Variants in RBP3 observed in about 807,000 individuals in gnomAD.
RBP3 encodes the protein retinol binding protein 3.
A neutral mutation model predicts 64.8 loss-of-function variants in RBP3; 50 were observed. That is an observed-to-expected ratio of 0.77 (90% CI 0.61 to 0.98). The LOEUF (loss-of-function observed/expected upper bound fraction) is 0.98, where lower values mean the gene tolerates loss of function less well. Among genes scored for constraint, RBP3 ranks in the 50% least tolerant of loss-of-function variants. The pLI, the probability that RBP3 is intolerant of heterozygous loss-of-function variation, is 0.00. For synonymous variants in RBP3, 828 were observed against 730.2 expected (o/e 1.13, Z -2.16); for missense variants, 1,712 against 1,660.5 (o/e 1.03, Z -0.54).
Position 47,350,753 on chromosome 10 carries a change from G to A in RBP3, c.2269G>A (p.Val757Met). The change falls in exon 1 of 4, where the codon GTG (valine) becomes ATG (methionine). Residue 757 changes from valine to methionine, a missense_variant. Val to Met is a conservative substitution (Grantham distance 21, BLOSUM62 1). Coordinates refer to ENST00000584701, the MANE Select transcript of RBP3 (RefSeq NM_002900.3). ...TGACGCCATGGCTGAACTGGAGACA[G>A]TGAAGGCCGTGGGGCCACAGCTGGT... ...RFDAMAELET[V>M]KAVGPQLVRL... 1 of 1,613,240 alleles carries A rather than the reference G, an allele frequency of 6.2e-7. No individual in the cohort carries two copies. Among genetic ancestry groups the A allele is most frequent in the Non-Finnish European group, 8.5e-7 (1 of 1,180,038 alleles).
chr10:47,355,653 G>A (rs554687598), intron 3 of RBP3, 135 bp downstream of exon 3: 4 of 1,111,096 alleles, frequency 3.6e-6, no homozygotes, highest in African/African-American at 3.1e-5. Context: ...CACTAGATGT[G>A]CATGATCTCG....
In RBP3 at chr10:47,353,452, G is replaced by A; in HGVS notation, c.3182G>A (p.Arg1061Lys). ...GDGELLTQVS[R>K]LLVEHIWKKI... ...GGTGAGCTGCTCACCCAGGTCTCCA[G>A]GCTGCTGGTGGAGCACATCTGGAAG... Residue 1061 changes from arginine (R) to lysine (K), a missense_variant, in exon 2 of 4, where the codon AGG becomes AAG. Arg to Lys is a conservative substitution (Grantham distance 26). Coordinates refer to ENST00000584701, the MANE Select transcript of RBP3 (RefSeq NM_002900.3). 6.2e-7 allele frequency: 1 copy of A among 1,614,176 alleles called. No homozygotes were observed.
chr10:47,349,070 G>T lies in RBP3; in HGVS notation c.586G>T (p.Val196Leu), dbSNP rs782398712. The T allele has an allele frequency of 7.1e-5, 114 of 1,613,882 alleles. 2 individuals are homozygous for T. The South Asian group carries it at 1.2e-3, about 17-fold the overall frequency. Residue 196 changes from valine (V) to leucine (L), a missense_variant, in exon 1 of 4, where the codon GTG (valine) becomes TTG (leucine). By Grantham distance (32) the Val-to-Leu change is conservative. Transcript: ENST00000584701. ...YLHPGNTILH[V>L]DTIYNRPSNT... ...GCACCCAGGGAACACCATCCTGCAC[G>T]TGGACACTATCTACAACCGCCCCTC...
intron 2 of RBP3, among the ~76,000 whole-genome samples, chr10:47,354,581 C>T (rs1837021858): frequency 1.3e-5 from 2 of 152,164 alleles, no homozygotes; most frequent in African/African-American, 4.8e-5. Flanking sequence ...TGTTGAGCAC[C>T]CAAATGACAC....
At chr10:47,352,073 T>C (rs1035898379) in intron 1 of RBP3, among the ~76,000 whole-genome samples, 2 of 152,204 alleles carry the variant, frequency 1.3e-5, no homozygotes, top group Admixed American at 1.3e-4. Flanking sequence ...ATCGTCACAA[T>C]TGGGCAGGGC....
In RBP3 at chr10:47,353,798, G is replaced by C. The variant is rs540320390; in HGVS notation, c.3245+283G>C. Among the ~76,000 whole-genome samples the C allele has an allele frequency of 3.1e-4, 47 of 152,354 alleles. 1 individual carries two copies. The South Asian group carries it at 9.1e-3, about 30-fold the overall frequency. ...CAGATTTGCCTGGTCATAGGATTCAGTGGGGAGGAGAGGAAGGAGATGTTA... is the reference window on the plus strand; with the variant it reads ...CAGATTTGCCTGGTCATAGGATTCACTGGGGAGGAGAGGAAGGAGATGTTA... On this transcript the variant is annotated intron_variant, in intron 2 of 3. Transcript: ENST00000584701.
In RBP3 at chr10:47,350,929, G is replaced by A; in HGVS notation, c.2445G>A (p.Arg815=). The A allele has an allele frequency of 6.2e-7, 1 of 1,612,990 alleles. No individual in the cohort carries two copies. The highest frequency in any genetic ancestry group is 8.5e-7 in the Non-Finnish European group (1 of 1,180,014). ...PRQHLYSVFD[R]ATSKVTEVWT... Reference sequence around the variant, plus strand: ...AGCACCTGTATTCTGTCTTTGACAGGGCCACCTCAAAAGTCACGGAGGTGT... The same window carrying A: ...AGCACCTGTATTCTGTCTTTGACAGAGCCACCTCAAAAGTCACGGAGGTGT... Residue 815 remains arginine (R), a synonymous_variant, in exon 1 of 4, where the codon AGG becomes AGA. Transcript: ENST00000584701.
Position 47,349,916 on chromosome 10 carries a change from C to T in RBP3, c.1432C>T (p.Leu478=). The T allele has an allele frequency of 6.2e-7, 1 of 1,612,860 alleles. No individual in the cohort carries two copies. The highest frequency in any genetic ancestry group is 2.2e-5 in the East Asian group (1 of 44,868). ...GGACACGGAGCACCTCATCATGGACCTGCGCCACAACCCTGGAGGGCCATC... is the reference window on the plus strand; with the variant it reads ...GGACACGGAGCACCTCATCATGGACTTGCGCCACAACCCTGGAGGGCCATC... ...LQDTEHLIMD[L]RHNPGGPSSA... is the part of the protein sequence containing the mutation. Residue 478 remains leucine, a synonymous_variant, in exon 1 of 4, where the codon CTG becomes TTG. Transcript: ENST00000584701.
chr10:47,356,845 C>A (rs1366515932), intron 3 of RBP3, among the ~76,000 whole-genome samples: 3 of 152,180 alleles, frequency 2.0e-5, no homozygotes, highest in Non-Finnish European at 4.4e-5. Context: ...CAAGCCTTTC[C>A]TATCACTTGG....
rs1555212069 is a variant in RBP3 at position 47,357,313 on chromosome 10, C to T, written c.3600C>T (p.Ala1200=). Residue 1200 remains alanine, a synonymous_variant, in exon 4 of 4, where the codon GCC becomes GCT. Coordinates refer to ENST00000584701, the MANE Select transcript of RBP3 (RefSeq NM_002900.3). ...TCCCCACGGCCCGTTCTGTGGGGGC[C>T]TCGGATGGCAGCTCCTGGGAAGGGG... ...LTIPTARSVG[A]SDGSSWEGVG... 7 of 1,614,070 alleles carry T rather than the reference C, an allele frequency of 4.3e-6. No homozygotes were observed. The African/African-American group carries it at 9.3e-5, about 22-fold the overall frequency.
rs782470605 is a variant in RBP3 at position 47,349,369 on chromosome 10, G to C, written c.885G>C (p.Thr295=). ...SLGPLGGGSQ[T]WEGSGVLPCV... Reference sequence around the variant, plus strand: ...GGCCCCTTGGTGGAGGCAGCCAGACGTGGGAGGGCAGCGGGGTGCTGCCCT... The same window carrying C: ...GGCCCCTTGGTGGAGGCAGCCAGACCTGGGAGGGCAGCGGGGTGCTGCCCT... The change falls in exon 1 of 4, where the codon ACG becomes ACC. Residue 295 remains threonine (T), a synonymous_variant. Transcript: ENST00000584701. The C allele has an allele frequency of 1.2e-6, 2 of 1,612,270 alleles. No individual in the cohort carries two copies. Among genetic ancestry groups the C allele is most frequent in the Non-Finnish European group, 1.7e-6 (2 of 1,179,956 alleles).
Position 47,349,275 on chromosome 10 carries a change from T to C in RBP3, c.791T>C (p.Leu264Pro), listed in dbSNP as rs1555211034. 1.2e-6 allele frequency: 2 copies of C among 1,613,000 alleles called. No individual in the cohort carries two copies. The highest frequency in any genetic ancestry group is 3.3e-5 in the Admixed American group (2 of 60,018). Residue 264 changes from leucine to proline, a missense_variant, in exon 1 of 4, where the codon CTG becomes CCG. Leu to Pro is a moderately conservative substitution (Grantham distance 98, BLOSUM62 -3). Transcript: ENST00000584701. ...VVGERTGGGA[L>P]DLRKLRIGES... is the part of the protein sequence containing the mutation. ...GGCGAGCGGACTGGGGGAGGGGCCCTGGACCTCCGGAAGCTGAGGATAGGC... is the reference window on the plus strand; with the variant it reads ...GGCGAGCGGACTGGGGGAGGGGCCCCGGACCTCCGGAAGCTGAGGATAGGC...
At position 47,350,336 on chromosome 10, in the gene RBP3, C is replaced by T. The variant is rs1555211357; in HGVS notation, c.1852C>T (p.Leu618=). 1 of 1,611,672 alleles carries T rather than the reference C, an allele frequency of 6.2e-7. No homozygotes were observed. Among genetic ancestry groups the T allele is most frequent in the Non-Finnish European group, 8.5e-7 (1 of 1,179,950 alleles). Residue 618 remains leucine, a synonymous_variant, in exon 1 of 4, where the codon CTG becomes TTG. Transcript: ENST00000584701. The part of the protein sequence containing the change: ...GGGVVPDAIV[L]AEEALDKAQE... ...TGGAGTGGTGCCCGATGCCATCGTGCTGGCCGAGGAGGCCCTGGACAAAGC... is the reference window on the plus strand; with the variant it reads ...TGGAGTGGTGCCCGATGCCATCGTGTTGGCCGAGGAGGCCCTGGACAAAGC...
rs1249899161 is a variant in RBP3, at chr10:47,349,025, C to G, written c.541C>G (p.Pro181Ala). 6.2e-7 allele frequency: 1 copy of G among 1,614,040 alleles called. No homozygotes were observed. The highest frequency in any genetic ancestry group is 8.5e-7 in the Non-Finnish European group (1 of 1,180,022). ...CACAGGAGGCCAGGTCTCTGGCATTCCCTACATCATCTCCTACCTGCACCC... is the reference window on the plus strand; with the variant it reads ...CACAGGAGGCCAGGTCTCTGGCATTGCCTACATCATCTCCTACCTGCACCC... ...HCTGGQVSGI[P>A]YIISYLHPGN... is the part of the protein sequence containing the mutation. The change falls in exon 1 of 4, where the codon CCC becomes GCC. Residue 181 changes from proline to alanine, a missense_variant. Pro to Ala is a conservative substitution (Grantham distance 27, BLOSUM62 -1). Transcript: ENST00000584701.
At chr10:47,354,083 G>A (rs889406020) in intron 2 of RBP3, among the ~76,000 whole-genome samples, 1 of 152,242 alleles carries the variant, frequency 6.6e-6, no homozygotes, top group Non-Finnish European at 1.5e-5. Flanking sequence ...GTTAACAAAA[G>A]AATTCTTTGC....
intron 3 of RBP3, 28 bp from the exon 4 acceptor site, chr10:47,357,074 C>T (rs983834331): frequency 1.3e-6 from 2 of 1,595,820 alleles, no homozygotes; most frequent in African/African-American, 2.7e-5. Flanking sequence ...GACATGACCC[C>T]CATCCTGAAG....
At position 47,349,348 on chromosome 10, in the gene RBP3, C is replaced by T; in HGVS notation, c.864C>T (p.Pro288=). The change falls in exon 1 of 4, where the codon CCC becomes CCT. Residue 288 remains proline (P), a synonymous_variant. Coordinates refer to ENST00000584701, the MANE Select transcript of RBP3 (RefSeq NM_002900.3). The part of the protein sequence containing the change: ...FTVPVSRSLG[P]LGGGSQTWEG... Reference sequence around the variant, plus strand: ...TGCCCGTGTCCAGGTCCCTGGGGCCCCTTGGTGGAGGCAGCCAGACGTGGG... The same window carrying T: ...TGCCCGTGTCCAGGTCCCTGGGGCCTCTTGGTGGAGGCAGCCAGACGTGGG... 6.2e-7 allele frequency: 1 copy of T among 1,612,464 alleles called. No homozygotes were observed. The highest frequency in any genetic ancestry group is 8.5e-7 in the Non-Finnish European group (1 of 1,179,972).
At chr10:47,351,931 T>C (rs983396116) in intron 1 of RBP3, among the ~76,000 whole-genome samples, 2 of 152,186 alleles carry the variant, frequency 1.3e-5, no homozygotes, top group African/African-American at 4.8e-5. Flanking sequence ...GGGCTTCTCA[T>C]TGTCAGTGCT....
Position 47,350,328 on chromosome 10 carries a change from C to T in RBP3, c.1844C>T (p.Ala615Val), listed in dbSNP as rs368920246. Residue 615 changes from alanine to valine, a missense_variant, in exon 1 of 4, where the codon GCC (alanine) becomes GTC (valine). Ala to Val is a moderately conservative substitution (Grantham distance 64, BLOSUM62 0). Coordinates refer to ENST00000584701, the MANE Select transcript of RBP3 (RefSeq NM_002900.3). The stretch of plus-strand genomic sequence containing the variant: ...CTGGGTGGTGGAGTGGTGCCCGATG[C>T]CATCGTGCTGGCCGAGGAGGCCCTG... ...AWLGGGVVPDAIVLAEEALDK... is the reference protein window; with the variant it reads ...AWLGGGVVPDVIVLAEEALDK... 7.4e-6 allele frequency: 12 copies of T among 1,611,120 alleles called. No homozygotes were observed. The highest frequency in any genetic ancestry group is 1.7e-6 in the Non-Finnish European group (2 of 1,179,948).
Sources: allele counts gnomAD v4.1 joint callset (sites outside exome capture counted in the v4.1 genomes callset), GRCh38; gene constraint gnomAD v4.1.1; transcripts MANE v1.5; gene names NCBI Gene and HGNC (gene_info 2026-07-23, HGNC 2026-07-21).